The following PALMD variants were observed in gnomAD, a reference collection of about 807,000 sequenced individuals.
PALMD encodes palmdelphin, also known as paralemmin-like protein.
PALMD carries 42 observed loss-of-function variants against 56.2 expected under a neutral mutation model. The ratio of observed to expected loss-of-function variants is 0.75; its 90% CI spans 0.58 to 0.97. The LOEUF is 0.97. Ranked by LOEUF, PALMD falls within the 50% of genes least tolerant of loss-of-function variation. The probability of loss-of-function intolerance (pLI) is 0.00; values close to 1 mark genes in which losing one functional copy is unlikely to be tolerated. For missense variants in PALMD, 660 were observed against 643.8 expected (o/e 1.03, Z -0.27); for synonymous variants, 242 against 222.9 (o/e 1.09, Z -0.76).
intron 3 of PALMD, among the ~76,000 whole-genome samples, chr1:99,681,597 C>A (rs1480188795): frequency 6.6e-6 from 1 of 152,046 alleles, no homozygotes; most frequent in Non-Finnish European, 1.5e-5. Flanking sequence ...TTATAAAGTA[C>A]CTATCAAGAA....
intron 1 of PALMD, 114 bp downstream of exon 1, chr1:99,646,476 T>C (rs1474977604): frequency 2.5e-6 from 2 of 787,924 alleles, no homozygotes; most frequent in Non-Finnish European, 4.5e-6. Flanking sequence ...ACTGTCAGCC[T>C]TCATGGACGA....
intron 1 of PALMD, among the ~76,000 whole-genome samples, chr1:99,651,981 T>C (rs1371028611): frequency 6.6e-6 from 1 of 152,214 alleles, no homozygotes; most frequent in Non-Finnish European, 1.5e-5. Flanking sequence ...CTAACAACTC[T>C]GGAATAAAAT....
At chr1:99,692,866 A>C (rs1653691976) in intron 7 of PALMD, among the ~76,000 whole-genome samples, 1 of 152,212 alleles carries the variant, frequency 6.6e-6, no homozygotes, top group Non-Finnish European at 1.5e-5. Flanking sequence ...GCTACAGAGC[A>C]CATTCTCTCA....
At chr1:99,690,627 G>A (rs1465509806) in intron 7 of PALMD, among the ~76,000 whole-genome samples, 2 of 151,808 alleles carry the variant, frequency 1.3e-5, no homozygotes, top group Non-Finnish European at 2.9e-5. Flanking sequence ...TAGATTTCTT[G>A]TTATCACTTA....
At chr1:99,674,875 C>T (rs1653167279) in intron 3 of PALMD, among the ~76,000 whole-genome samples, 1 of 152,212 alleles carries the variant, frequency 6.6e-6, no homozygotes, top group South Asian at 2.1e-4. Flanking sequence ...TCAAGAGCAG[C>T]GACTCATTGT....
At chr1:99,657,569 G>A (rs1260079416) in intron 1 of PALMD, among the ~76,000 whole-genome samples, 1 of 152,062 alleles carries the variant, frequency 6.6e-6, no homozygotes, top group Non-Finnish European at 1.5e-5. Flanking sequence ...TACACAATGA[G>A]GCCATATTCA....
intron 6 of PALMD, among the ~76,000 whole-genome samples, chr1:99,687,505 C>G (rs537997931): frequency 1.3e-5 from 2 of 152,226 alleles, no homozygotes; most frequent in South Asian, 4.1e-4. Context: ...CCAATAGAAC[C>G]TCTTTGGGGG....
chr1:99,674,435 T>G (rs571013132), intron 3 of PALMD, among the ~76,000 whole-genome samples: 1 of 152,256 alleles, frequency 6.6e-6, no homozygotes, highest in Non-Finnish European at 1.5e-5. Flanking sequence ...CATAGAAAGC[T>G]ATAAATCTGG....
intron 3 of PALMD, among the ~76,000 whole-genome samples, chr1:99,682,686 C>A (rs554076523): frequency 6.6e-6 from 1 of 151,760 alleles, no homozygotes; most frequent in African/African-American, 2.4e-5. Context: ...TGTCTCTATG[C>A]CCCAGGAAAA....
intron 1 of PALMD, among the ~76,000 whole-genome samples, chr1:99,660,013 G>A (rs999615277): frequency 6.6e-6 from 1 of 152,172 alleles, no homozygotes; most frequent in African/African-American, 2.4e-5. Flanking sequence ...GCCCAAACTG[G>A]CAATGAGCAG....
At chr1:99,681,768 C>T (rs978173188) in intron 3 of PALMD, among the ~76,000 whole-genome samples, 25 of 152,122 alleles carry the variant, frequency 1.6e-4, no homozygotes, top group African/African-American at 6.0e-4. Flanking sequence ...GTCAGCAGCA[C>T]CCCTCACCCT....
chr1:99,657,024 C>T (rs1303983518), intron 1 of PALMD, among the ~76,000 whole-genome samples: 1 of 152,158 alleles, frequency 6.6e-6, no homozygotes, highest in South Asian at 2.1e-4. Flanking sequence ...TCAGACTGAT[C>T]CAAAATAAAC....
In PALMD at chr1:99,687,258, C is replaced by G. The variant is rs1049147515; in HGVS notation, c.514+69C>G. 3.4e-6 allele frequency: 5 copies of G among 1,483,818 alleles called. No homozygotes were observed. The African/African-American group carries it at 5.6e-5, about 17-fold the overall frequency. 91.9% of individuals were successfully genotyped at this position (1,483,818 alleles called of 1,614,324 possible). On this transcript the variant is annotated intron_variant, in intron 6 of 7. Coordinates refer to ENST00000263174, the MANE Select transcript of PALMD (RefSeq NM_017734.5). ...ATTTTACAGTGTCAAATATTCACAA[C>G]TTGCTATGACATATTATTCTTCCAG...
intron 7 of PALMD, among the ~76,000 whole-genome samples, chr1:99,692,775 A>G (rs1027385619): frequency 1.3e-5 from 2 of 152,182 alleles, no homozygotes; most frequent in Non-Finnish European, 2.9e-5. Flanking sequence ...TAAACTTCAT[A>G]AAGACTTGCC....
chr1:99,689,809 G>A lies in PALMD; in HGVS notation c.1549G>A (p.Val517Ile). ...GCAAGAAGAAAGCTTAGGCAGCCCT[G>A]TCCACCATTCCCCATTTGATGCTCA... The part of the protein sequence containing the change: ...KEQEESLGSP[V>I]HHSPFDAQTT... The change falls in exon 7 of 8, where the codon GTC becomes ATC. Residue 517 changes from valine to isoleucine, a missense_variant. By Grantham distance (29) the Val-to-Ile change is conservative. Coordinates refer to ENST00000263174, the MANE Select transcript of PALMD (RefSeq NM_017734.5). 3 of 1,613,352 alleles carry A rather than the reference G, an allele frequency of 1.9e-6. No individual in the cohort carries two copies. In the South Asian group the frequency reaches 3.3e-5, roughly 18 times the overall value.
chr1:99,646,507 CCTCATGACCCT>C, intron 1 of PALMD, 145 bp downstream of exon 1: 3 of 660,922 alleles, frequency 4.5e-6, no homozygotes, highest in Non-Finnish European at 8.2e-6. Flanking sequence ...CTCTCTTAAC[CCTCATGACCCT>C]CTGTAACTCT....
chr1:99,689,831 CT>C lies in PALMD; in HGVS notation c.1572del (p.Gln525ArgfsTer12). ...CCTGTCCACCATTCCCCATTTGATG[CT>C]CAGACAACTGGAGATGGGACTGAGG... Reference protein sequence around the residue: ...GSPVHHSPFDAQTTGDGTEDP... With the variant: ...GSPVHHSPFDXQTTGDGTEDP... On this transcript the variant is annotated frameshift_variant, in exon 7 of 8. Coordinates refer to ENST00000263174, the MANE Select transcript of PALMD (RefSeq NM_017734.5). LOFTEE classifies it high-confidence loss of function. 1 of 1,612,024 alleles carries C rather than the reference CT, an allele frequency of 6.2e-7. No individual in the cohort carries two copies. Among genetic ancestry groups the C allele is most frequent in the South Asian group, 1.1e-5 (1 of 90,872 alleles).
chr1:99,673,199 C>G (rs1335242716), intron 3 of PALMD, among the ~76,000 whole-genome samples: 1 of 152,116 alleles, frequency 6.6e-6, no homozygotes, highest in East Asian at 1.9e-4. Context: ...GAACCCAAAA[C>G]ATTGATGTAG....
intron 3 of PALMD, among the ~76,000 whole-genome samples, chr1:99,674,112 A>G (rs1305974632): frequency 1.3e-5 from 2 of 152,168 alleles, no homozygotes; most frequent in Non-Finnish European, 2.9e-5. Flanking sequence ...ACATCTCACC[A>G]GCACTTTGTT....
Sources: allele counts gnomAD v4.1 joint callset (sites outside exome capture counted in the v4.1 genomes callset), GRCh38; gene constraint gnomAD v4.1.1; transcripts MANE v1.5; gene names NCBI Gene and HGNC (gene_info 2026-07-23, HGNC 2026-07-21).